Variants in CERKL observed in about 807,000 individuals in gnomAD.
CERKL encodes the protein ceramide kinase-like protein.
In CERKL, 61 loss-of-function variants were observed where a neutral mutation model predicts 63.4. The observed-to-expected ratio is 0.96, with a 90% CI of 0.78 to 1.19. CERKL has a LOEUF of 1.19. Among genes scored for constraint, CERKL ranks in the 50% most tolerant of loss-of-function variants. CERKL has a pLI of 0.00. For synonymous variants in CERKL, 250 were observed against 230.5 expected, an observed-to-expected ratio of 1.08 and a Z score of -0.77; for missense variants, 675 against 655.5, an observed-to-expected ratio of 1.03 and a Z score of -0.33.
At position 181,558,948 on chromosome 2, in the gene CERKL, G is replaced by T. The variant is rs1312282956; in HGVS notation, c.678-240C>A. Among the ~76,000 whole-genome samples, 1 of 152,120 alleles carries T rather than the reference G, an allele frequency of 6.6e-6. No individual in the cohort carries two copies. Among genetic ancestry groups the T allele is most frequent in the African/African-American group, 2.4e-5 (1 of 41,418 alleles). On this transcript the variant is annotated intron_variant, in intron 4 of 12. Coordinates refer to ENST00000410087, the MANE Select transcript of CERKL (RefSeq NM_201548.5). This position sits in a 1 kb window ranked among gnomAD's most constrained non-coding sequence, Gnocchi z 4.2. ...CCATAGACAAAATAGCTTTAAGTGT[G>T]TTAAGAGATATGAAAACTTTTGAAC...
intron 1 of CERKL, among the ~76,000 whole-genome samples, chr2:181,620,050 T>A (rs557293047): frequency 3.9e-5 from 6 of 152,298 alleles, no homozygotes; most frequent in African/African-American, 1.4e-4. Flanking sequence ...TTAATATTAG[T>A]GTAACTGAAC....
intron 5 of CERKL, among the ~76,000 whole-genome samples, chr2:181,554,164 CAAAAAAAAAAAA>C (rs36086391): frequency 1.1e-5 from 1 of 94,282 alleles, no homozygotes; most frequent in Non-Finnish European, 2.1e-5. Flanking sequence ...ACTATGGAGG[CAAAAAAAAAAAA>C]AAAAAAAAAA....
chr2:181,554,233 A>G (rs1027234277), intron 5 of CERKL, among the ~76,000 whole-genome samples: 1 of 151,554 alleles, frequency 6.6e-6, no homozygotes, highest in Non-Finnish European at 1.5e-5. Flanking sequence ...AACTTAATTA[A>G]CCAGATACCA....
intron 2 of CERKL, among the ~76,000 whole-genome samples, chr2:181,574,635 T>A (rs1689044903): frequency 6.6e-6 from 1 of 152,128 alleles, no homozygotes; most frequent in Non-Finnish European, 1.5e-5. Flanking sequence ...AATTTTCTGT[T>A]GTTAGGAAGG....
rs551667799 is a variant in CERKL at position 181,638,586 on chromosome 2, T to C, written c.238+18183A>G. On this transcript the variant is annotated intron_variant, in intron 1 of 12. Coordinates refer to ENST00000410087, the MANE Select transcript of CERKL (RefSeq NM_201548.5). ...AATAAAAAAACCTCATTGGTCATGGTGGATGCTAGGATCCATCTTTGAGGA... is the reference window on the plus strand; with the variant it reads ...AATAAAAAAACCTCATTGGTCATGGCGGATGCTAGGATCCATCTTTGAGGA... 3.9e-4 allele frequency among the ~76,000 whole-genome samples: 59 copies of C among 152,358 alleles called. 1 individual carries two copies. In the South Asian group the frequency reaches 8.5e-3, roughly 22 times the overall value.
intron 5 of CERKL, among the ~76,000 whole-genome samples, chr2:181,551,837 A>T (rs999993771): frequency 7.2e-5 from 11 of 152,196 alleles, no homozygotes; most frequent in Admixed American, 2.6e-4. Context: ...CTGCACTTTG[A>T]CTGCTACCTG....
rs113951682 is a variant in CERKL, at chr2:181,619,662, A to G, written c.239-15583T>C. On this transcript the variant is annotated intron_variant, in intron 1 of 12. Coordinates refer to ENST00000410087, the MANE Select transcript of CERKL (RefSeq NM_201548.5). The stretch of plus-strand genomic sequence containing the variant: ...GACCTTTGCTCCTTCATTTCCTAGC[A>G]CATGGAAGGCTTTCTTGACTCTAGT... Among the ~76,000 whole-genome samples, 24 of 152,278 alleles carry G rather than the reference A, an allele frequency of 1.6e-4. 1 individual carries two copies. The highest frequency in any genetic ancestry group is 5.3e-4 in the African/African-American group (22 of 41,556).
At chr2:181,617,822 A>G (rs1029815037) in intron 1 of CERKL, among the ~76,000 whole-genome samples, 4 of 152,232 alleles carry the variant, frequency 2.6e-5, no homozygotes, top group African/African-American at 7.2e-5. Context: ...TTAGCACTTG[A>G]TAAGTTTTGC....
intron 3 of CERKL, among the ~76,000 whole-genome samples, chr2:181,572,306 A>T (rs1338437847): frequency 2.0e-5 from 3 of 152,112 alleles, no homozygotes; most frequent in African/African-American, 4.8e-5. Context: ...CATTTTTTTG[A>T]ATCTCTAATA....
At chr2:181,628,977 A>G (rs146895493) in intron 1 of CERKL, among the ~76,000 whole-genome samples, 6 of 152,332 alleles carry the variant, frequency 3.9e-5, no homozygotes, top group Admixed American at 2.6e-4. Context: ...GAGAATGACT[A>G]GAGTAGTAAA....
intron 1 of CERKL, among the ~76,000 whole-genome samples, chr2:181,609,113 T>C (rs1270568554): frequency 6.6e-6 from 1 of 152,100 alleles, no homozygotes; most frequent in Non-Finnish European, 1.5e-5. Context: ...TTTATTTTCT[T>C]TTATTATTAT....
intron 6 of CERKL, 124 bp downstream of exon 6, chr2:181,549,510 C>T (rs903731612): frequency 3.9e-6 from 3 of 763,006 alleles, no homozygotes; most frequent in Admixed American, 4.5e-5. Context: ...TTTAGTCAAA[C>T]ATTTCTCTAC....
intron 4 of CERKL, among the ~76,000 whole-genome samples, chr2:181,564,515 A>C (rs1229312722): frequency 6.6e-6 from 1 of 152,196 alleles, no homozygotes; most frequent in Non-Finnish European, 1.5e-5. Context: ...TAAGGATTAA[A>C]TATGTTCAGG....
chr2:181,601,332 G>A (rs370384173), intron 2 of CERKL, among the ~76,000 whole-genome samples: 1 of 152,284 alleles, frequency 6.6e-6, no homozygotes. Context: ...GGCCAAGGTG[G>A]GCAGATTGCC....
chr2:181,560,535 TCAGA>T (rs1447692179), intron 4 of CERKL, among the ~76,000 whole-genome samples: 2 of 152,128 alleles, frequency 1.3e-5, no homozygotes, highest in Admixed American at 6.6e-5. Flanking sequence ...TATATATATA[TCAGA>T]CATTTTCCTA....
Position 181,537,425 on chromosome 2 carries a change from A to ACTTTGTTACTTGTATCAT in CERKL, c.*741_*758dup, listed in dbSNP as rs1239443728. ...TCAAAATAGTATTTGTTATCAACTT[A>ACTTTGTTACTTGTATCAT]CTTTGTTACTTGTATCATGAATTTT... On this transcript the variant is annotated 3_prime_UTR_variant, in exon 13 of 13. Coordinates refer to ENST00000410087, the MANE Select transcript of CERKL (RefSeq NM_201548.5). 4.4e-6 allele frequency: 2 copies of ACTTTGTTACTTGTATCAT among 453,812 alleles called. No individual in the cohort carries two copies. The highest frequency in any genetic ancestry group is 8.8e-6 in the Non-Finnish European group (2 of 226,736). The allele number at this position is 453,812 out of a possible 1,614,324, so 28.1% of individuals were successfully genotyped here.
At chr2:181,586,505 A>C (rs1684774321) in intron 2 of CERKL, among the ~76,000 whole-genome samples, 1 of 152,192 alleles carries the variant, frequency 6.6e-6, no homozygotes. Flanking sequence ...ACAACAGTGT[A>C]AGCATCCCCC....
chr2:181,547,786 C>G (rs758146598), intron 9 of CERKL, 36 bp downstream of exon 9: 58 of 1,613,708 alleles, frequency 3.6e-5, no homozygotes, highest in Non-Finnish European at 4.7e-5. Context: ...TCAACAGAAC[C>G]TGGCACAGTT....
At chr2:181,632,896 G>A (rs1687027655) in intron 1 of CERKL, among the ~76,000 whole-genome samples, 1 of 152,114 alleles carries the variant, frequency 6.6e-6, no homozygotes, top group Non-Finnish European at 1.5e-5. Context: ...TACTCATAGG[G>A]AAACTAAACC....
Sources: allele counts gnomAD v4.1 joint callset (sites outside exome capture counted in the v4.1 genomes callset), GRCh38; gene constraint gnomAD v4.1.1; non-coding constraint Gnocchi (gnomAD v3.1); transcripts MANE v1.5; gene names NCBI Gene and HGNC (gene_info 2026-07-23, HGNC 2026-07-21).